Variants in WDR27 observed in about 807,000 individuals in gnomAD.
WDR27 encodes the protein WD repeat domain 27.
Under a neutral mutation model 114.4 loss-of-function variants are expected in WDR27, and 100 were observed. That is an observed-to-expected ratio of 0.87 (90% CI 0.74 to 1.03). The LOEUF (loss-of-function observed/expected upper bound fraction) is 1.03, where lower values mean the gene tolerates loss of function less well. Ranked by LOEUF, WDR27 falls within the 50% of genes least tolerant of loss-of-function variation. The pLI is 0.00. For missense variants in WDR27, 1,129 were observed against 1,092.9 expected, an observed-to-expected ratio of 1.03 and a Z score of -0.47; for synonymous variants, 449 against 423.1, an observed-to-expected ratio of 1.06 and a Z score of -0.75.
chr6:169,462,488 G>GAA (rs1472176600), intron 25 of WDR27, among the ~76,000 whole-genome samples: 11 of 151,916 alleles, frequency 7.2e-5, no homozygotes, highest in Admixed American at 2.0e-4. Flanking sequence ...GGGAGAGAGA[G>GAA]AGAGAAAGAA....
intron 7 of WDR27, chr6:169,664,840 G>A (rs893148942): frequency 1.3e-5 from 13 of 991,930 alleles, no homozygotes; most frequent in African/African-American, 3.5e-5. Context: ...CAGGAAAGGG[G>A]AGCACAAGAA....
intron 25 of WDR27, among the ~76,000 whole-genome samples, chr6:169,546,111 A>T (rs896746478): frequency 6.6e-6 from 1 of 152,208 alleles, no homozygotes; most frequent in South Asian, 2.1e-4. Flanking sequence ...CTCAAATAGA[A>T]AACAGTGACA....
the WDR27 span, among the ~76,000 whole-genome samples, chr6:169,432,203 C>A: frequency 6.6e-6 from 1 of 152,168 alleles, no homozygotes; most frequent in Non-Finnish European, 1.5e-5. Context: ...GAAAGACAAT[C>A]GTTTTATTTT....
chr6:169,457,660 T>A, intron 25 of WDR27, 26 bp from the exon 26 acceptor site: 1 of 1,534,608 alleles, frequency 6.5e-7, no homozygotes, highest in African/African-American at 1.4e-5. Context: ...AAATACCATG[T>A]AATTCCAATC....
At chr6:169,500,603 A>G (rs1234209176) in intron 25 of WDR27, among the ~76,000 whole-genome samples, 2 of 152,130 alleles carry the variant, frequency 1.3e-5, no homozygotes, top group East Asian at 1.9e-4. Context: ...TGAGTGCTGC[A>G]GGGTGGAGGA....
At chr6:169,480,535 T>C (rs1787862657) in intron 25 of WDR27, among the ~76,000 whole-genome samples, 1 of 152,246 alleles carries the variant, frequency 6.6e-6, no homozygotes, top group African/African-American at 2.4e-5. Context: ...AGAACTTTTA[T>C]GTCTAGCTGG....
Position 169,647,867 on chromosome 6 carries a change from C to T in WDR27, c.1563G>A (p.Glu521=). The T allele has an allele frequency of 6.4e-7, 1 of 1,554,552 alleles. No individual in the cohort carries two copies. The highest frequency in any genetic ancestry group is 2.4e-5 in the East Asian group (1 of 42,346). The part of the protein sequence containing the change: ...SSRSRSSCAR[E]AYPVECAVPT... ...GCACAGCGCACTCCACGGGGTATGC[C>T]TCCCTGAGGGAAGGCCACAGGTAAC... The change falls in exon 16 of 26, where the codon GAG becomes GAA. Residue 521 remains glutamate (E), a synonymous_variant. Coordinates refer to ENST00000448612, the MANE Select transcript of WDR27 (RefSeq NM_182552.5).
intron 21 of WDR27, among the ~76,000 whole-genome samples, chr6:169,615,307 C>A (rs1177908376): frequency 1.3e-5 from 2 of 151,972 alleles, no homozygotes; most frequent in Non-Finnish European, 2.9e-5. Flanking sequence ...GTTTGTTGTA[C>A]AGATTATGTC....
At chr6:169,582,543 C>T (rs1346742562) in intron 24 of WDR27, among the ~76,000 whole-genome samples, 1 of 152,136 alleles carries the variant, frequency 6.6e-6, no homozygotes, top group East Asian at 1.9e-4. Context: ...TATTTGTCCA[C>T]AGGTCTTCCC....
At position 169,649,128 on chromosome 6, in the gene WDR27, G is replaced by T. The variant is rs1011385508; in HGVS notation, c.1559+70C>A. On this transcript the variant is annotated intron_variant, in intron 15 of 25. Transcript: ENST00000448612. ...TAAGGTTTTATATCTGTTTGGAAAA[G>T]AACCAGTTAAAGTGTTGGAAAGGTC... 6.8e-6 allele frequency: 9 copies of T among 1,313,948 alleles called. No homozygotes were observed. In the African/African-American group the frequency reaches 8.8e-5, roughly 13 times the overall value. 81.4% of individuals were successfully genotyped at this position (1,313,948 alleles called of 1,614,324 possible).
Position 169,664,475 on chromosome 6 carries a change from G to A in WDR27, c.784-189C>T, listed in dbSNP as rs1162489703. On this transcript the variant is annotated intron_variant, in intron 7 of 25. Transcript: ENST00000448612. The stretch of plus-strand genomic sequence containing the variant: ...CTGGAGGCCCTCCGTACGGCCCACG[G>A]TGTCAGAGCACTTTCACACGGCTGG... The A allele has an allele frequency of 4.2e-6, 6 of 1,438,628 alleles. No homozygotes were observed. In the East Asian group the frequency reaches 1.5e-4, roughly 37 times the overall value. 89.1% of individuals were successfully genotyped at this position (1,438,628 alleles called of 1,614,324 possible). A position where few individuals can be genotyped will look rare whatever the true frequency, so the allele number is the denominator to read the frequency against.
chr6:169,615,571 T>C (rs1024073388), intron 21 of WDR27, among the ~76,000 whole-genome samples: 1 of 152,198 alleles, frequency 6.6e-6, no homozygotes, highest in South Asian at 2.1e-4. Context: ...CTGGGATAAC[T>C]GGCTAAATGT....
Position 169,701,679 on chromosome 6 carries a change from CAGG to C in WDR27, c.-139_-137del, listed in dbSNP as rs957859896. 1.7e-5 allele frequency: 3 copies of C among 175,032 alleles called. No homozygotes were observed. Among genetic ancestry groups the C allele is most frequent in the East Asian group, 1.9e-4 (1 of 5,252 alleles). 10.8% of individuals were successfully genotyped at this position (175,032 alleles called of 1,614,324 possible). A position where few individuals can be genotyped will look rare whatever the true frequency, so the allele number is the denominator to read the frequency against. On this transcript the variant is annotated 5_prime_UTR_variant, in exon 1 of 26. Transcript: ENST00000448612. ...GGAGACCCTCGCACTAGCACGGCGTCAGGAGGAGGCTTCGGGTGACGAGACAGC... is the reference window on the plus strand; with the variant it reads ...GGAGACCCTCGCACTAGCACGGCGTCAGGAGGCTTCGGGTGACGAGACAGC...
intron 25 of WDR27, among the ~76,000 whole-genome samples, chr6:169,565,626 TAA>T (rs34156623): frequency 0.57 from 87,155 of 151,898 alleles, 28,459 homozygotes; most frequent in Non-Finnish European, 0.72. Flanking sequence ...AATCTGTTCC[TAA>T]AGAGTCAATG....
intron 25 of WDR27, among the ~76,000 whole-genome samples, chr6:169,521,314 GAA>G (rs1248818729): frequency 6.6e-6 from 1 of 151,956 alleles, no homozygotes; most frequent in Non-Finnish European, 1.5e-5. Flanking sequence ...CGAATATGAA[GAA>G]GAGACAAGGT....
chr6:169,544,720 C>G (rs773893681), intron 25 of WDR27, among the ~76,000 whole-genome samples: 2 of 152,074 alleles, frequency 1.3e-5, no homozygotes, highest in Admixed American at 1.3e-4. Flanking sequence ...CAGGTGTGAG[C>G]CACTGCACTC....
intron 21 of WDR27, among the ~76,000 whole-genome samples, chr6:169,629,226 A>C (rs1304803298): frequency 2.6e-5 from 4 of 152,214 alleles, no homozygotes; most frequent in Non-Finnish European, 4.4e-5. Flanking sequence ...GTTATTTTTT[A>C]AGTTATAAAT....
At position 169,659,483 on chromosome 6, in the gene WDR27, A is replaced by ACGATC; in HGVS notation, c.1160_1164dup (p.Cys389AspfsTer5). On this transcript the variant is annotated frameshift_variant, in exon 11 of 26. Transcript: ENST00000448612. LOFTEE classifies it high-confidence loss of function. This position sits in a 1 kb window ranked among gnomAD's most constrained non-coding sequence, Gnocchi z 4.3. ...TCCGCAGTGCGGTTCCTCAGGGCAC[A>ACGATC]CGATCCGGCCAGCAGGATGCTGAGG... 1 of 1,610,518 alleles carries ACGATC rather than the reference A, an allele frequency of 6.2e-7. No individual in the cohort carries two copies. The highest frequency in any genetic ancestry group is 8.5e-7 in the Non-Finnish European group (1 of 1,178,402).
chr6:169,440,344 T>C, the WDR27 span, among the ~76,000 whole-genome samples: 1 of 152,238 alleles, frequency 6.6e-6, no homozygotes, highest in Non-Finnish European at 1.5e-5. Context: ...GAGAAATAGT[T>C]ATTTCCTAAC....
Sources: gnomAD v4.1 joint callset for allele counts (sites outside exome capture counted in the v4.1 genomes callset) on GRCh38, gnomAD v4.1.1 for gene constraint, Gnocchi (gnomAD v3.1) non-coding constraint, MANE v1.5 for transcripts, NCBI Gene and HGNC (gene_info 2026-07-23, HGNC 2026-07-21) for gene names.